The following SNRPN variants were observed in gnomAD, a reference collection of about 807,000 sequenced individuals.
The protein encoded by SNRPN is small nuclear ribonucleoprotein-associated protein N.
In SNRPN, 7 loss-of-function variants were observed where a neutral mutation model predicts 25.2. The observed-to-expected ratio is 0.28, with a 90% CI of 0.16 to 0.52. SNRPN has a LOEUF of 0.52. Ranked by LOEUF, SNRPN falls within the 20% of genes least tolerant of loss-of-function variation. SNRPN has a pLI of 0.96. For missense variants in SNRPN, 196 were observed against 322.5 expected (o/e 0.61, Z 3.00); for synonymous variants, 124 against 110.6 (o/e 1.12, Z -0.76).
At chr15:24,958,386 C>CCT (rs1400673835) in intron 1 of SNRPN, among the ~76,000 whole-genome samples, 2,736 of 124,188 alleles carry the variant, frequency 0.022, 92 homozygotes, top group African/African-American at 0.074. Flanking sequence ...GTCCTGTCTC[C>CCT]TTTTTTTTTT....
chr15:24,895,676 A>G (rs750144954), intron 2 of SNRPN, among the ~76,000 whole-genome samples: 7 of 152,072 alleles, frequency 4.6e-5, no homozygotes, highest in Non-Finnish European at 7.3e-5. Context: ...CAGTATGAAA[A>G]CGTTCTGCCG....
intron 2 of SNRPN, among the ~76,000 whole-genome samples, chr15:24,965,278 C>T (rs746024789): frequency 1.3e-5 from 2 of 152,168 alleles, no homozygotes; most frequent in Non-Finnish European, 2.9e-5. Context: ...TGGCTCACGC[C>T]TGTAATCCCA....
intron 3 of SNRPN, among the ~76,000 whole-genome samples, chr15:24,933,111 T>C (rs1001718320): frequency 1.3e-5 from 2 of 152,034 alleles, no homozygotes; most frequent in African/African-American, 4.8e-5. Flanking sequence ...AAAATAAAAT[T>C]AGCCGGGCTT....
intron 2 of SNRPN, among the ~76,000 whole-genome samples, chr15:24,890,144 A>C (rs551347383): frequency 6.6e-6 from 1 of 152,054 alleles, no homozygotes; most frequent in Admixed American, 6.6e-5. Context: ...GGAAGCAGGA[A>C]GGCCACTCTC....
chr15:24,830,683 A>G (rs956625869), intron 2 of SNRPN, among the ~76,000 whole-genome samples: 3 of 152,050 alleles, frequency 2.0e-5, no homozygotes, highest in Non-Finnish European at 4.4e-5. Context: ...GATTTCTTTG[A>G]CCCATGTATT....
rs1216815692 is a variant in SNRPN at position 24,918,646 on chromosome 15, G to T, written c.-504-1365G>T. On this transcript the variant is annotated intron_variant, in intron 2 of 11. Coordinates refer to the SNRPN transcript ENST00000400097. ...TGTGTATATATAACATAATATATAT[G>T]TGTGCATATATATAACATAATATAT... Among the ~76,000 whole-genome samples the T allele has an allele frequency of 4.8e-4, 45 of 93,344 alleles. 2 individuals are homozygous for T. Among genetic ancestry groups the T allele is most frequent in the Non-Finnish European group, 8.1e-4 (40 of 49,138 alleles). The allele number at this position is 93,344 out of a possible 152,430, so 61.2% of individuals were successfully genotyped here.
At chr15:24,933,335 G>C (rs1000509058) in intron 3 of SNRPN, among the ~76,000 whole-genome samples, 1 of 138,544 alleles carries the variant, frequency 7.2e-6, no homozygotes, top group Admixed American at 7.6e-5. Flanking sequence ...GAGGGCGGCT[G>C]GTTTAAAGAA....
chr15:24,854,461 T>G (rs1347518901), upstream of SNRPN, among the ~76,000 whole-genome samples: 1 of 152,190 alleles, frequency 6.6e-6, no homozygotes. Flanking sequence ...ATTAAAGTAT[T>G]AGGTTTGGAA....
intron 1 of SNRPN, among the ~76,000 whole-genome samples, chr15:24,882,207 C>G (rs1430176425): frequency 6.6e-6 from 1 of 150,918 alleles, no homozygotes; most frequent in East Asian, 1.9e-4. Context: ...GGCTTGTAAT[C>G]TCTAACTTTC....
At chr15:24,887,400 G>A (rs372362736) in intron 2 of SNRPN, among the ~76,000 whole-genome samples, 3 of 151,824 alleles carry the variant, frequency 2.0e-5, no homozygotes, top group African/African-American at 7.2e-5. Context: ...CTCCGGCCTC[G>A]GCCTCCCAAA....
intron 1 of SNRPN, among the ~76,000 whole-genome samples, chr15:24,871,118 G>C (rs1395088649): frequency 6.6e-6 from 1 of 151,764 alleles, no homozygotes; most frequent in Non-Finnish European, 1.5e-5. Context: ...CCTGACCTCA[G>C]GTAATCCACC....
chr15:24,903,821 C>T (rs1464485048), intron 2 of SNRPN, among the ~76,000 whole-genome samples: 3 of 151,992 alleles, frequency 2.0e-5, no homozygotes, highest in Admixed American at 2.0e-4. Flanking sequence ...TCACTTGAGT[C>T]CAGGAGTTCG....
At chr15:24,965,407 T>G (rs2075467832) in intron 2 of SNRPN, among the ~76,000 whole-genome samples, 1 of 152,072 alleles carries the variant, frequency 6.6e-6, no homozygotes, top group Non-Finnish European at 1.5e-5. Flanking sequence ...TGTGGTAGTG[T>G]GCACCTGTAA....
chr15:24,934,041 T>A (rs2061061898), intron 3 of SNRPN, among the ~76,000 whole-genome samples: 1 of 152,124 alleles, frequency 6.6e-6, no homozygotes, highest in African/African-American at 2.4e-5. Flanking sequence ...CTCACACCTG[T>A]AATCCCATCA....
At chr15:24,874,591 A>G (rs1330460665) in intron 1 of SNRPN, among the ~76,000 whole-genome samples, 1 of 152,206 alleles carries the variant, frequency 6.6e-6, no homozygotes, top group East Asian at 1.9e-4. Context: ...CATTGTAAAA[A>G]CAAAGTTTGC....
chr15:24,911,266 G>T, intron 2 of SNRPN: 1 of 423,402 alleles, frequency 2.4e-6, no homozygotes, highest in Non-Finnish European at 4.1e-6. Context: ...AAAACCAACT[G>T]TGTGGCCAAC....
At chr15:24,949,194 G>C (rs969286984) in intron 3 of SNRPN, among the ~76,000 whole-genome samples, 1 of 151,442 alleles carries the variant, frequency 6.6e-6, no homozygotes, top group Non-Finnish European at 1.5e-5. Flanking sequence ...GCTATTTTTT[G>C]TATTTTTAGT....
intron 2 of SNRPN, among the ~76,000 whole-genome samples, chr15:24,848,140 G>A (rs1057465564): frequency 5.3e-5 from 8 of 149,942 alleles, no homozygotes; most frequent in Admixed American, 2.7e-4. Flanking sequence ...AGGGCGGCCC[G>A]CAGCAAATGC....
intron 1 of SNRPN, among the ~76,000 whole-genome samples, chr15:24,825,212 G>A (rs992503855): frequency 6.6e-6 from 1 of 151,954 alleles, no homozygotes; most frequent in Admixed American, 6.6e-5. Context: ...GCAGACCTTG[G>A]TTAATTTTTT....
Sources: allele counts gnomAD v4.1 joint callset (sites outside exome capture counted in the v4.1 genomes callset), GRCh38; gene constraint gnomAD v4.1.1; transcripts MANE v1.5; gene names NCBI Gene and HGNC (gene_info 2026-07-23, HGNC 2026-07-21).